The following LRMDA variants were observed in gnomAD, a reference collection of about 807,000 sequenced individuals.
The protein encoded by LRMDA is leucine rich melanocyte differentiation associated.
Under a neutral mutation model 29.8 loss-of-function variants are expected in LRMDA, and 18 were observed. The observed-to-expected ratio is 0.60, with a 90% CI of 0.42 to 0.90. The LOEUF is 0.90. Among genes scored for constraint, LRMDA ranks in the 40% least tolerant of loss-of-function variants. The pLI, the probability that LRMDA is intolerant of heterozygous loss-of-function variation, is 0.00. For synonymous variants in LRMDA, 125 were observed against 109.4 expected (o/e 1.14, Z -0.89); for missense variants, 273 against 273.9 (o/e 1.00, Z 0.02).
At chr10:75,478,300 G>C (rs1032507473) in intron 2 of LRMDA, among the ~76,000 whole-genome samples, 2 of 152,176 alleles carry the variant, frequency 1.3e-5, no homozygotes, top group African/African-American at 4.8e-5. Flanking sequence ...TCAGGCAAAA[G>C]GTCCTTGGTT....
At chr10:76,452,324 T>C (rs1473275849) in intron 6 of LRMDA, among the ~76,000 whole-genome samples, 1 of 152,102 alleles carries the variant, frequency 6.6e-6, no homozygotes, top group Non-Finnish European at 1.5e-5. Flanking sequence ...GGGAAGGCCA[T>C]GTGGGGTCCA....
chr10:75,933,450 C>A (rs1846236825), intron 2 of LRMDA, among the ~76,000 whole-genome samples: 1 of 152,212 alleles, frequency 6.6e-6, no homozygotes, highest in African/African-American at 2.4e-5. Context: ...GTAGTCTTTG[C>A]ATGAAAAAGA....
chr10:76,307,264 C>T (rs762484155), intron 5 of LRMDA, among the ~76,000 whole-genome samples: 14 of 152,160 alleles, frequency 9.2e-5, no homozygotes, highest in Non-Finnish European at 1.5e-4. Flanking sequence ...TTTATGATAT[C>T]TGCAAGACCT....
intron 2 of LRMDA, among the ~76,000 whole-genome samples, chr10:75,595,233 A>T (rs980228356): frequency 6.6e-6 from 1 of 152,220 alleles, no homozygotes; most frequent in African/African-American, 2.4e-5. Flanking sequence ...TAATTACAAA[A>T]TGATGGATTT....
intron 2 of LRMDA, among the ~76,000 whole-genome samples, chr10:75,736,938 A>G (rs958340137): frequency 6.6e-6 from 1 of 152,124 alleles, no homozygotes; most frequent in Non-Finnish European, 1.5e-5. Flanking sequence ...AGGGTGGGGA[A>G]GGCAGGGCTG....
At chr10:76,205,251 G>A (rs996943892) in intron 5 of LRMDA, among the ~76,000 whole-genome samples, 7 of 152,090 alleles carry the variant, frequency 4.6e-5, no homozygotes, top group African/African-American at 1.7e-4. Context: ...TAAATCTTGG[G>A]GTGAAAACAC....
At chr10:76,164,219 T>C (rs1442114900) in intron 5 of LRMDA, among the ~76,000 whole-genome samples, 1 of 152,164 alleles carries the variant, frequency 6.6e-6, no homozygotes, top group Admixed American at 6.5e-5. Context: ...AGGCTTTGTG[T>C]TTTTACTAAA....
chr10:76,414,249 C>T lies in LRMDA; in HGVS notation c.601+89764C>T, dbSNP rs564450659. On this transcript the variant is annotated intron_variant, in intron 6 of 6. Transcript: ENST00000611255. The stretch of plus-strand genomic sequence containing the variant: ...AGTAAAATACAGCATTAATGTTATT[C>T]CTCAAATAAGGTATCACTAATATTT... Among the ~76,000 whole-genome samples the T allele has an allele frequency of 2.5e-3, 374 of 152,274 alleles. 1 individual carries two copies. Among genetic ancestry groups the T allele is most frequent in the Middle Eastern group, 0.02 (6 of 294 alleles).
intron 5 of LRMDA, among the ~76,000 whole-genome samples, chr10:76,310,613 C>T (rs1589422028): frequency 6.6e-6 from 1 of 152,160 alleles, no homozygotes. Context: ...AGGCTTTCCC[C>T]TCACAGCTGT....
chr10:76,320,168 G>A (rs1840753428), intron 5 of LRMDA, among the ~76,000 whole-genome samples: 1 of 152,220 alleles, frequency 6.6e-6, no homozygotes, highest in Non-Finnish European at 1.5e-5. Context: ...TCTTTTCCAA[G>A]CGGGTTGCCA....
At chr10:76,200,563 C>G (rs1851407240) in intron 5 of LRMDA, among the ~76,000 whole-genome samples, 1 of 152,096 alleles carries the variant, frequency 6.6e-6, no homozygotes, top group Admixed American at 6.5e-5. Context: ...CATCTACAAA[C>G]AGCATGCTGT....
intron 2 of LRMDA, among the ~76,000 whole-genome samples, chr10:75,873,806 G>A (rs747639119): frequency 6.6e-6 from 1 of 152,166 alleles, no homozygotes; most frequent in Non-Finnish European, 1.5e-5. Flanking sequence ...AATGTCATCA[G>A]CGGGGAACAG....
intron 2 of LRMDA, among the ~76,000 whole-genome samples, chr10:75,589,247 C>T (rs1840691883): frequency 1.3e-5 from 2 of 152,246 alleles, no homozygotes; most frequent in African/African-American, 4.8e-5. Context: ...CTTGTTTTTC[C>T]ACCGCATCAC....
At chr10:76,220,507 C>A (rs1469519746) in intron 5 of LRMDA, among the ~76,000 whole-genome samples, 2 of 152,244 alleles carry the variant, frequency 1.3e-5, no homozygotes, top group Non-Finnish European at 2.9e-5. Flanking sequence ...TGCAAATAAA[C>A]TACAAAAATC....
intron 2 of LRMDA, among the ~76,000 whole-genome samples, chr10:75,988,165 C>T (rs1445353689): frequency 6.6e-6 from 1 of 152,086 alleles, no homozygotes; most frequent in Admixed American, 6.5e-5. Context: ...TGGTTGCTCC[C>T]CGCTTTAAAA....
chr10:75,763,583 C>T (rs1209883598), intron 2 of LRMDA, among the ~76,000 whole-genome samples: 4 of 152,150 alleles, frequency 2.6e-5, no homozygotes, highest in Non-Finnish European at 4.4e-5. Context: ...AGGATGATAT[C>T]GAGCAAAACA....
intron 2 of LRMDA, among the ~76,000 whole-genome samples, chr10:75,649,717 A>G (rs1589146273): frequency 6.6e-6 from 1 of 152,048 alleles, no homozygotes; most frequent in South Asian, 2.1e-4. Context: ...TCTTTGAGGA[A>G]CTGCCATATT....
At chr10:75,962,892 C>A (rs1055433763) in intron 2 of LRMDA, among the ~76,000 whole-genome samples, 1 of 152,148 alleles carries the variant, frequency 6.6e-6, no homozygotes, top group East Asian at 1.9e-4. Context: ...TCAAGGCCAG[C>A]GAGATGGCTT....
chr10:76,493,423 T>C (rs1842852932), intron 6 of LRMDA, among the ~76,000 whole-genome samples: 1 of 152,022 alleles, frequency 6.6e-6, no homozygotes, highest in African/African-American at 2.4e-5. Context: ...TGGCTCAGGG[T>C]AGGTCCAGAA....
Sources: gnomAD v4.1 joint callset for allele counts (sites outside exome capture counted in the v4.1 genomes callset) on GRCh38, gnomAD v4.1.1 for gene constraint, MANE v1.5 for transcripts, NCBI Gene and HGNC (gene_info 2026-07-23, HGNC 2026-07-21) for gene names.